The following FGF1 variants were observed in gnomAD, a reference collection of about 807,000 sequenced individuals.
FGF1 encodes the protein fibroblast growth factor 1.
A neutral mutation model predicts 13.4 loss-of-function variants in FGF1; 9 were observed. That is an observed-to-expected ratio of 0.67 (90% confidence interval 0.40 to 1.17). The LOEUF (loss-of-function observed/expected upper bound fraction) is 1.17. Ranked by LOEUF, FGF1 falls within the 50% of genes most tolerant of loss-of-function variation. The pLI, the probability that FGF1 is intolerant of heterozygous loss-of-function variation, is 0.01. For synonymous variants in FGF1, 93 were observed against 79.0 expected (o/e 1.18, Z -0.94); for missense variants, 156 against 192.7 (o/e 0.81, Z 1.13).
At chr5:142,643,851 T>C (rs1490926387) in intron 1 of FGF1, among the ~76,000 whole-genome samples, 1 of 152,236 alleles carries the variant, frequency 6.6e-6, no homozygotes, top group Non-Finnish European at 1.5e-5. Flanking sequence ...TGTGCCTCAG[T>C]CTGTTCATCT....
Position 142,652,345 on chromosome 5 carries a change from A to G in FGF1, c.-35+33612T>C, listed in dbSNP as rs1021932153. 2.0e-5 allele frequency among the ~76,000 whole-genome samples: 3 copies of G among 152,204 alleles called. 1 individual carries two copies. Among genetic ancestry groups the G allele is most frequent in the Non-Finnish European group, 4.4e-5 (3 of 68,032 alleles). On this transcript the variant is annotated intron_variant, in intron 1 of 3. Coordinates refer to ENST00000337706, the MANE Select transcript of FGF1 (RefSeq NM_000800.5). ...CTAATGGCTGAGGATGAAGAAACAC[A>G]AGAGGCGCTGGGACATTCAGAAGTC...
chr5:142,627,060 G>A (rs1186660738), intron 1 of FGF1: 1 of 152,192 alleles, frequency 6.6e-6, no homozygotes, highest in Non-Finnish European at 1.5e-5. Flanking sequence ...TGCATATAAT[G>A]AGTGCTAGGA....
At chr5:142,610,153 G>A (rs969919155) in intron 2 of FGF1, among the ~76,000 whole-genome samples, 2 of 152,230 alleles carry the variant, frequency 1.3e-5, no homozygotes, top group Non-Finnish European at 2.9e-5. Context: ...TTGTGGTTAG[G>A]TAGAAGTGAA....
At chr5:142,678,989 G>A (rs918322271) in intron 1 of FGF1, among the ~76,000 whole-genome samples, 8 of 152,166 alleles carry the variant, frequency 5.3e-5, no homozygotes, top group Non-Finnish European at 5.9e-5. Flanking sequence ...GGGTGTGTGA[G>A]CTCAGAAAGC....
chr5:142,611,688 C>G (rs1759091048), intron 2 of FGF1, among the ~76,000 whole-genome samples: 1 of 152,178 alleles, frequency 6.6e-6, no homozygotes, highest in Non-Finnish European at 1.5e-5. Context: ...CCCACTTACT[C>G]TGATCTCTGT....
rs1018209055 is a variant in FGF1 at position 142,600,627 on chromosome 5, C to T, written c.273+75G>A. The T allele has an allele frequency of 1.1e-5, 11 of 996,544 alleles. No individual in the cohort carries two copies. In the African/African-American group the frequency reaches 1.7e-4, roughly 16 times the overall value. 61.7% of individuals were successfully genotyped at this position (996,544 alleles called of 1,614,324 possible). A position where few individuals can be genotyped will look rare whatever the true frequency, so the allele number is the denominator to read the frequency against. ...GACTAATTGTTGCTTTATAGTTTGC[C>T]TCACTCCATGTAACAAGATTTCTGG... On this transcript the variant is annotated intron_variant, in intron 3 of 3. Coordinates refer to ENST00000337706, the MANE Select transcript of FGF1 (RefSeq NM_000800.5).
chr5:142,634,192 CAAGAAA>C (rs1473586704), intron 1 of FGF1, among the ~76,000 whole-genome samples: 1 of 53,334 alleles, frequency 1.9e-5, no homozygotes, highest in Non-Finnish European at 3.6e-5. Flanking sequence ...GACTCCATCT[CAAGAAA>C]AAAAAAAAAA....
At chr5:142,694,647 G>A (rs1002666754) in intron 2 of FGF1, among the ~76,000 whole-genome samples, 7 of 152,158 alleles carry the variant, frequency 4.6e-5, no homozygotes, top group East Asian at 3.9e-4. Flanking sequence ...TCACCCTGGT[G>A]GCGGGTAGGA....
upstream of FGF1, chr5:142,686,495 T>C (rs1374817681): frequency 1.3e-5 from 2 of 152,240 alleles, no homozygotes; most frequent in South Asian, 2.1e-4. Flanking sequence ...AATGGACTTC[T>C]GGCCCGTCTG....
chr5:142,613,304 A>G (rs1398377370), intron 2 of FGF1, among the ~76,000 whole-genome samples: 1 of 152,220 alleles, frequency 6.6e-6, no homozygotes, highest in African/African-American at 2.4e-5. Flanking sequence ...TCATTTGTCA[A>G]CACCTCTGAG....
Position 142,671,803 on chromosome 5 carries a change from G to A in FGF1, c.-35+14154C>T, listed in dbSNP as rs143400455. ...TTGTTTCATTCCAGGCAGAGTGCTCGGGAGACCTTTACCTGTTTTACCTGA... is the reference window on the plus strand; with the variant it reads ...TTGTTTCATTCCAGGCAGAGTGCTCAGGAGACCTTTACCTGTTTTACCTGA... On this transcript the variant is annotated intron_variant, in intron 1 of 3. Coordinates refer to ENST00000337706, the MANE Select transcript of FGF1 (RefSeq NM_000800.5). The A allele has an allele frequency of 1.2e-4, 18 of 152,286 alleles. 1 individual carries two copies. The East Asian group carries it at 2.5e-3, about 21-fold the overall frequency. 9.4% of individuals were successfully genotyped at this position (152,286 alleles called of 1,614,324 possible).
chr5:142,605,889 G>A (rs777932269), intron 2 of FGF1, among the ~76,000 whole-genome samples: 2 of 152,162 alleles, frequency 1.3e-5, no homozygotes, highest in Non-Finnish European at 2.9e-5. Flanking sequence ...TCTTGCAGCT[G>A]CTGCTGAGGA....
rs137983746 is a variant in FGF1 at position 142,665,026 on chromosome 5, C to T, written c.-35+20931G>A. 1.2e-3 allele frequency among the ~76,000 whole-genome samples: 180 copies of T among 152,250 alleles called. 1 individual carries two copies. Among genetic ancestry groups the T allele is most frequent in the African/African-American group, 3.9e-3 (164 of 41,566 alleles). Reference sequence around the variant, plus strand: ...ATTATTAAACAGTAACATTGAAAAACAGTAACATTGCCTTATGTAACAGTA... The same window carrying T: ...ATTATTAAACAGTAACATTGAAAAATAGTAACATTGCCTTATGTAACAGTA... On this transcript the variant is annotated intron_variant, in intron 1 of 3. Transcript: ENST00000337706.
At chr5:142,679,154 T>C (rs1773220444) in intron 1 of FGF1, among the ~76,000 whole-genome samples, 1 of 152,164 alleles carries the variant, frequency 6.6e-6, no homozygotes, top group South Asian at 2.1e-4. Flanking sequence ...AAATCCTCAG[T>C]ATGGCCGCAC....
chr5:142,672,457 T>G (rs1771661298), intron 1 of FGF1, among the ~76,000 whole-genome samples: 1 of 151,636 alleles, frequency 6.6e-6, no homozygotes, highest in Non-Finnish European at 1.5e-5. Context: ...ATCCCTGCTC[T>G]GCTAACGTTT....
At chr5:142,646,208 CTTTTTTTT>C (rs762008952) in intron 1 of FGF1, among the ~76,000 whole-genome samples, 16 of 54,916 alleles carry the variant, frequency 2.9e-4, no homozygotes, top group African/African-American at 9.4e-4. Flanking sequence ...CGCACCTGGC[CTTTTTTTT>C]TTTTTTTTTT....
At chr5:142,641,556 C>T (rs1394036284) in intron 1 of FGF1, among the ~76,000 whole-genome samples, 1 of 151,968 alleles carries the variant, frequency 6.6e-6, no homozygotes, top group Non-Finnish European at 1.5e-5. Context: ...AAACCAGTAT[C>T]ACTTGCCACA....
At chr5:142,619,079 C>T (rs558660236) in intron 1 of FGF1, among the ~76,000 whole-genome samples, 9 of 151,756 alleles carry the variant, frequency 5.9e-5, no homozygotes, top group Non-Finnish European at 1.2e-4. Flanking sequence ...GGACTACAGG[C>T]GCCTGCCACC....
At chr5:142,639,683 A>G (rs998457166) in intron 1 of FGF1, among the ~76,000 whole-genome samples, 2 of 151,968 alleles carry the variant, frequency 1.3e-5, no homozygotes, top group African/African-American at 4.9e-5. Context: ...AATGTGTGGT[A>G]TACTTGAAGA....
Sources: gnomAD v4.1 joint callset for allele counts (sites outside exome capture counted in the v4.1 genomes callset) on GRCh38, gnomAD v4.1.1 for gene constraint, MANE v1.5 for transcripts, NCBI Gene and HGNC (gene_info 2026-07-23, HGNC 2026-07-21) for gene names.